CBFA2T2: variants seen among roughly 807,000 people sequenced by gnomAD.
CBFA2T2 encodes the protein protein CBFA2T2.
In CBFA2T2, 11 loss-of-function variants were observed where a neutral mutation model predicts 62.2. The ratio of observed to expected loss-of-function variants is 0.18; its 90% CI spans 0.11 to 0.29. CBFA2T2 has a LOEUF of 0.29. Ranked by LOEUF, CBFA2T2 falls within the 10% of genes least tolerant of loss-of-function variation. The pLI, the probability that CBFA2T2 is intolerant of heterozygous loss-of-function variation, is 1.00. For synonymous variants in CBFA2T2, 295 were observed against 287.5 expected (o/e 1.03, Z -0.27); for missense variants, 592 against 774.1 (o/e 0.76, Z 2.79).
In CBFA2T2 at chr20:33,558,929, A is replaced by G. The variant is rs546368579; in HGVS notation, c.35-48027A>G. The stretch of plus-strand genomic sequence containing the variant: ...TGAGGTTTGTGCTCCTAGTTAGCCT[A>G]TCATCGAAATAATGAACATTGAACC... On this transcript the variant is annotated intron_variant, in intron 1 of 10. Coordinates refer to ENST00000342704, the MANE Select transcript of CBFA2T2 (RefSeq NM_001032999.3). 3.3e-5 allele frequency among the ~76,000 whole-genome samples: 5 copies of G among 152,132 alleles called. No homozygotes were observed. In the East Asian group the frequency reaches 5.8e-4, roughly 18 times the overall value.
chr20:33,630,283 G>C (rs540836754), intron 8 of CBFA2T2, among the ~76,000 whole-genome samples: 7 of 152,244 alleles, frequency 4.6e-5, no homozygotes, highest in Non-Finnish European at 8.8e-5. Flanking sequence ...TTAATTCTTC[G>C]TGGAGAATGA....
chr20:33,491,216 A>G (rs2146838760), intron 1 of CBFA2T2, among the ~76,000 whole-genome samples: 1 of 152,322 alleles, frequency 6.6e-6, no homozygotes, highest in East Asian at 1.9e-4. Context: ...GACATTTTGC[A>G]TTCTATTCAC....
intron 2 of CBFA2T2, among the ~76,000 whole-genome samples, chr20:33,610,365 A>G (rs1451618390): frequency 6.6e-6 from 1 of 152,240 alleles, no homozygotes; most frequent in African/African-American, 2.4e-5. Flanking sequence ...TAAAATTTTC[A>G]AGAAATGACT....
rs547000124 is a variant in CBFA2T2, at chr20:33,628,675, G to A, written c.1032+240G>A. Among the ~76,000 whole-genome samples the A allele has an allele frequency of 2.0e-5, 3 of 152,216 alleles. No individual in the cohort carries two copies. In the East Asian group the frequency reaches 5.8e-4, roughly 29 times the overall value. On this transcript the variant is annotated intron_variant, in intron 7 of 10. Transcript: ENST00000342704. ...GTAGAGACAGGGTTTTGCCATGTTGGCCAGGCTGGTCTCAAACCCCTGACC... is the reference window on the plus strand; with the variant it reads ...GTAGAGACAGGGTTTTGCCATGTTGACCAGGCTGGTCTCAAACCCCTGACC...
At chr20:33,552,469 T>C (rs1252152264) in intron 1 of CBFA2T2, among the ~76,000 whole-genome samples, 1 of 152,164 alleles carries the variant, frequency 6.6e-6, no homozygotes, top group Admixed American at 6.5e-5. Flanking sequence ...TCTGCTGAAT[T>C]GTAAGGGGAA....
chr20:33,627,355 C>T (rs1263762059), intron 6 of CBFA2T2, among the ~76,000 whole-genome samples: 1 of 152,026 alleles, frequency 6.6e-6, no homozygotes, highest in African/African-American at 2.4e-5. Flanking sequence ...CAAGATCACA[C>T]CGCTGCACTC....
Position 33,632,168 on chromosome 20 carries a change from T to C in CBFA2T2, c.1228+2254T>C, listed in dbSNP as rs560153527. ...AAGCCATTCTCTTGCCTCATCCTCC[T>C]GAGTAGCTGGGATTACAGGCACCTG... On this transcript the variant is annotated intron_variant, in intron 8 of 10. Coordinates refer to ENST00000342704, the MANE Select transcript of CBFA2T2 (RefSeq NM_001032999.3). Among the ~76,000 whole-genome samples the C allele has an allele frequency of 5.9e-5, 9 of 152,226 alleles. No individual in the cohort carries two copies. In the South Asian group the frequency reaches 1.9e-3, roughly 32 times the overall value.
chr20:33,506,751 G>A (rs986028577), intron 1 of CBFA2T2, among the ~76,000 whole-genome samples: 24 of 152,186 alleles, frequency 1.6e-4, no homozygotes, highest in Middle Eastern at 3.2e-3. Flanking sequence ...AGGGAATTTC[G>A]GAGGAAGGAG....
At chr20:33,583,494 A>G (rs146403940) in intron 1 of CBFA2T2, among the ~76,000 whole-genome samples, 211 of 152,334 alleles carry the variant, frequency 1.4e-3, no homozygotes, top group African/African-American at 4.8e-3. Flanking sequence ...ATTTGAATAT[A>G]ATGTATGATG....
At chr20:33,510,068 G>T (rs2011480452) in intron 1 of CBFA2T2, among the ~76,000 whole-genome samples, 1 of 152,028 alleles carries the variant, frequency 6.6e-6, no homozygotes, top group Non-Finnish European at 1.5e-5. Flanking sequence ...AGAACATGCG[G>T]TGTTTGGTTT....
chr20:33,573,758 G>A (rs931879009), intron 1 of CBFA2T2, among the ~76,000 whole-genome samples: 1 of 151,874 alleles, frequency 6.6e-6, no homozygotes, highest in Non-Finnish European at 1.5e-5. Flanking sequence ...AGGATTACAG[G>A]CTTGAGCCAC....
At chr20:33,615,016 G>A (rs775220143) in intron 3 of CBFA2T2, among the ~76,000 whole-genome samples, 15 of 152,122 alleles carry the variant, frequency 9.9e-5, no homozygotes, top group Non-Finnish European at 1.8e-4. Context: ...TCTTTTACAC[G>A]TGTGGAAACA....
intron 1 of CBFA2T2, among the ~76,000 whole-genome samples, chr20:33,526,705 A>G (rs563873661): frequency 2.4e-4 from 37 of 151,642 alleles, no homozygotes; most frequent in South Asian, 4.2e-4. Context: ...GGGTACTCCA[A>G]TCTTGTTCAG....
At chr20:33,531,072 G>A (rs1260508099) in intron 1 of CBFA2T2, among the ~76,000 whole-genome samples, 2 of 152,146 alleles carry the variant, frequency 1.3e-5, no homozygotes, top group Non-Finnish European at 2.9e-5. Context: ...AACAGAGCAA[G>A]ACTCCGTCTC....
chr20:33,540,399 A>T (rs565518602), intron 1 of CBFA2T2, among the ~76,000 whole-genome samples: 33 of 152,326 alleles, frequency 2.2e-4, no homozygotes, highest in African/African-American at 6.5e-4. Context: ...AGCTAACAGC[A>T]TGTTACTGTA....
intron 1 of CBFA2T2, among the ~76,000 whole-genome samples, chr20:33,556,294 GT>G (rs1179268311): frequency 2.0e-5 from 3 of 152,172 alleles, no homozygotes; most frequent in African/African-American, 7.2e-5. Context: ...TTTGGGTTTC[GT>G]TGCCGTTACC....
intron 1 of CBFA2T2, among the ~76,000 whole-genome samples, chr20:33,530,179 C>T (rs992392432): frequency 1.3e-5 from 2 of 152,070 alleles, no homozygotes; most frequent in African/African-American, 4.8e-5. Flanking sequence ...CCTGCCATGG[C>T]CTCTGAAAGT....
At chr20:33,520,921 CACAT>C (rs1385254892) in intron 1 of CBFA2T2, among the ~76,000 whole-genome samples, 1 of 151,114 alleles carries the variant, frequency 6.6e-6, no homozygotes, top group Admixed American at 6.7e-5. Flanking sequence ...CACACACACA[CACAT>C]TTTCACCTGC....
intron 1 of CBFA2T2, among the ~76,000 whole-genome samples, chr20:33,560,025 A>G (rs1464407686): frequency 2.0e-5 from 3 of 152,194 alleles, no homozygotes. Flanking sequence ...TCTGAGTGCT[A>G]GAAGTGAAAG....
Sources: allele counts gnomAD v4.1 joint callset (sites outside exome capture counted in the v4.1 genomes callset), GRCh38; gene constraint gnomAD v4.1.1; transcripts MANE v1.5; gene names NCBI Gene and HGNC (gene_info 2026-07-23, HGNC 2026-07-21).